The following CDK5RAP2 variants were observed in gnomAD, a reference collection of about 807,000 sequenced individuals.
CDK5RAP2 encodes the protein CDK5 regulatory subunit associated protein 2, also known as CDK5 regulatory subunit-associated protein 2.
A neutral mutation model predicts 232.9 loss-of-function variants in CDK5RAP2; 147 were observed. That is an observed-to-expected ratio of 0.63 (90% CI 0.55 to 0.72). The LOEUF is 0.72. Among genes scored for constraint, CDK5RAP2 ranks in the 30% least tolerant of loss-of-function variants. The pLI is 0.00. For missense variants in CDK5RAP2, 2,195 were observed against 2,231.5 expected, an observed-to-expected ratio of 0.98 and a Z score of 0.33; for synonymous variants, 833 against 833.7, an observed-to-expected ratio of 1.00 and a Z score of 0.01.
chr9:120,461,929 G>A (rs925903525), intron 18 of CDK5RAP2, among the ~76,000 whole-genome samples: 7 of 152,222 alleles, frequency 4.6e-5, no homozygotes, highest in African/African-American at 1.7e-4. Flanking sequence ...TTGTACGTGT[G>A]AGATACCTAC....
At chr9:120,514,374 A>G (rs987862087) in intron 12 of CDK5RAP2, among the ~76,000 whole-genome samples, 1 of 151,816 alleles carries the variant, frequency 6.6e-6, no homozygotes, top group Admixed American at 6.6e-5. Flanking sequence ...ATACACACGC[A>G]CACACACACA....
In CDK5RAP2 at chr9:120,389,774, G is replaced by A; in HGVS notation, c.5592C>T (p.His1864=). Residue 1864 remains histidine, a synonymous_variant, in exon 37 of 38, where the codon CAC becomes CAT. Coordinates refer to ENST00000349780, the MANE Select transcript of CDK5RAP2 (RefSeq NM_018249.6). ...TTCCTCTGGCCTTCCGAAGGATTTT[G>A]TGGGTTACGACCACTGAGGAGAGAG... The part of the protein sequence containing the change: ...KVIFDQLVVT[H]KILRKARGNL... The A allele has an allele frequency of 6.2e-7, 1 of 1,614,146 alleles. No individual in the cohort carries two copies. Among genetic ancestry groups the A allele is most frequent in the Non-Finnish European group, 8.5e-7 (1 of 1,179,972 alleles).
intron 13 of CDK5RAP2, among the ~76,000 whole-genome samples, chr9:120,487,751 G>C (rs1431386011): frequency 6.6e-6 from 1 of 152,180 alleles, no homozygotes; most frequent in Non-Finnish European, 1.5e-5. Context: ...GCCAGGCTCT[G>C]ACCCAACAGA....
intron 12 of CDK5RAP2, among the ~76,000 whole-genome samples, chr9:120,496,917 C>T (rs1383063195): frequency 7.1e-6 from 1 of 141,332 alleles, no homozygotes; most frequent in Non-Finnish European, 1.5e-5. Flanking sequence ...GTGTGCCCAA[C>T]AGCTCATTGA....
At chr9:120,560,943 T>C (rs929968264) in intron 3 of CDK5RAP2, among the ~76,000 whole-genome samples, 1 of 151,864 alleles carries the variant, frequency 6.6e-6, no homozygotes, top group Non-Finnish European at 1.5e-5. Context: ...AATAATGGTA[T>C]GTGTATACAC....
intron 3 of CDK5RAP2, among the ~76,000 whole-genome samples, chr9:120,557,795 C>T (rs1405685217): frequency 7.1e-6 from 1 of 140,456 alleles, no homozygotes; most frequent in African/African-American, 2.6e-5. Context: ...GAGACAGTCT[C>T]GCTCTGTCAC....
At chr9:120,548,297 T>C (rs1023842439) in intron 4 of CDK5RAP2, among the ~76,000 whole-genome samples, 8 of 152,178 alleles carry the variant, frequency 5.3e-5, no homozygotes, top group Non-Finnish European at 1.2e-4. Context: ...AGAGCTTCTA[T>C]TTATGAACTG....
In CDK5RAP2 at chr9:120,552,117, G is replaced by T. The variant is rs561307868; in HGVS notation, c.196-1215C>A. On this transcript the variant is annotated intron_variant, in intron 3 of 37. Transcript: ENST00000349780. Reference sequence around the variant, plus strand: ...ATGCTCATCATCACTGGCCATCAGAGAAATGCAAATCAAAACCACAATGAG... The same window carrying T: ...ATGCTCATCATCACTGGCCATCAGATAAATGCAAATCAAAACCACAATGAG... Among the ~76,000 whole-genome samples, 560 of 152,086 alleles carry T rather than the reference G, an allele frequency of 3.7e-3. 3 individuals are homozygous for T. The highest frequency in any genetic ancestry group is 0.013 in the African/African-American group (529 of 41,450).
intron 12 of CDK5RAP2, among the ~76,000 whole-genome samples, chr9:120,493,732 A>C (rs2039017734): frequency 6.6e-6 from 1 of 152,198 alleles, no homozygotes; most frequent in Non-Finnish European, 1.5e-5. Context: ...GAAAAACTCT[A>C]AAGAACAAAC....
At chr9:120,401,723 G>A (rs895181233) in intron 34 of CDK5RAP2, among the ~76,000 whole-genome samples, 4 of 151,662 alleles carry the variant, frequency 2.6e-5, no homozygotes, top group African/African-American at 7.3e-5. Flanking sequence ...AGTGGCTCAC[G>A]CCTTTATCCC....
chr9:120,542,748 T>C (rs1440375510), intron 5 of CDK5RAP2, among the ~76,000 whole-genome samples: 1 of 152,218 alleles, frequency 6.6e-6, no homozygotes, highest in African/African-American at 2.4e-5. Flanking sequence ...AATGAGGGTA[T>C]TCCTCAAGAC....
intron 25 of CDK5RAP2, among the ~76,000 whole-genome samples, chr9:120,430,793 C>T (rs1340465980): frequency 2.0e-5 from 3 of 152,048 alleles, no homozygotes; most frequent in Non-Finnish European, 2.9e-5. Context: ...AATCATGCTG[C>T]TATAAAGACA....
At chr9:120,507,616 A>T (rs2039872978) in intron 12 of CDK5RAP2, among the ~76,000 whole-genome samples, 1 of 152,024 alleles carries the variant, frequency 6.6e-6, no homozygotes, top group South Asian at 2.1e-4. Context: ...TTATTTCAAT[A>T]AAAAAAGCCA....
In CDK5RAP2 at chr9:120,402,906, G is replaced by A. The variant is rs369647291; in HGVS notation, c.5207C>T (p.Ala1736Val). ...HVLGLIEDYE[A>V]LLKQISQGQR... is the part of the protein sequence containing the mutation. ...TCCCTGGCTGATCTGTTTGAGCAGG[G>A]CCTCATAGTCCTCAATCAGGCCCAG... Residue 1736 changes from alanine to valine, a missense_variant, in exon 34 of 38, where the codon GCC (alanine) becomes GTC (valine). By Grantham distance (64) the Ala-to-Val change is moderately conservative (BLOSUM62 0). Transcript: ENST00000349780. 5.0e-6 allele frequency: 8 copies of A among 1,614,102 alleles called. No homozygotes were observed. Among genetic ancestry groups the A allele is most frequent in the Non-Finnish European group, 6.8e-6 (8 of 1,180,024 alleles).
intron 22 of CDK5RAP2, among the ~76,000 whole-genome samples, chr9:120,444,365 C>T (rs1029146440): frequency 1.3e-5 from 2 of 152,248 alleles, no homozygotes; most frequent in African/African-American, 4.8e-5. Context: ...CCATGAAGGT[C>T]CCCACAACCC....
chr9:120,560,419 C>CA (rs2042420590), intron 3 of CDK5RAP2, among the ~76,000 whole-genome samples: 1 of 152,198 alleles, frequency 6.6e-6, no homozygotes, highest in Admixed American at 6.5e-5. Flanking sequence ...ACTGCTGTCT[C>CA]AAGGCCTGTG....
At position 120,550,766 on chromosome 9, in the gene CDK5RAP2, A is replaced by G. The variant is rs377216215; in HGVS notation, c.306+26T>C. 1.4e-4 allele frequency: 174 copies of G among 1,200,418 alleles called. 3 individuals carry two copies. The South Asian group carries it at 2.0e-3, about 14-fold the overall frequency. The allele number at this position is 1,200,418 out of a possible 1,614,324, so 74.4% of individuals were successfully genotyped here. On this transcript the variant is annotated intron_variant, in intron 4 of 37. Coordinates refer to ENST00000349780, the MANE Select transcript of CDK5RAP2 (RefSeq NM_018249.6). ...ATGACAATGAGAAAGGACACAAGGGACAGTAATGAGAAATGGGCCACTCAC... is the reference window on the plus strand; with the variant it reads ...ATGACAATGAGAAAGGACACAAGGGGCAGTAATGAGAAATGGGCCACTCAC...
At chr9:120,468,078 A>G (rs892751367) in intron 17 of CDK5RAP2, 81 bp from the exon 18 acceptor site, 1 of 1,390,190 alleles carries the variant, frequency 7.2e-7, no homozygotes, top group South Asian at 1.2e-5. Flanking sequence ...AGACAGCCCT[A>G]TCAAGCGACT....
intron 12 of CDK5RAP2, among the ~76,000 whole-genome samples, chr9:120,514,371 C>T (rs1007384332): frequency 6.6e-6 from 1 of 152,140 alleles, no homozygotes; most frequent in Non-Finnish European, 1.5e-5. Context: ...GTTATACACA[C>T]GCACACACAC....
Sources: gnomAD v4.1 joint callset for allele counts (sites outside exome capture counted in the v4.1 genomes callset) on GRCh38, gnomAD v4.1.1 for gene constraint, MANE v1.5 for transcripts, NCBI Gene and HGNC (gene_info 2026-07-23, HGNC 2026-07-21) for gene names.